RASGEF1B: variants seen among roughly 807,000 people sequenced by gnomAD.
The protein encoded by RASGEF1B is RasGEF domain family member 1B, also known as ras-GEF domain-containing family member 1B.
In RASGEF1B, 30 loss-of-function variants were observed where a neutral mutation model predicts 65.7. The observed-to-expected ratio is 0.46, with a 90% CI of 0.34 to 0.62. The LOEUF (loss-of-function observed/expected upper bound fraction) is 0.62. RASGEF1B is among the 20% of genes least tolerant of loss of function. The pLI is 0.01. For synonymous variants in RASGEF1B, 175 were observed against 194.8 expected, an observed-to-expected ratio of 0.90 and a Z score of 0.85; for missense variants, 495 against 580.1, an observed-to-expected ratio of 0.85 and a Z score of 1.51.
intron 6 of RASGEF1B, among the ~76,000 whole-genome samples, chr4:81,446,868 G>A (rs11728820): frequency 4.6e-5 from 7 of 152,320 alleles, no homozygotes; most frequent in East Asian, 1.9e-4. Context: ...GAAAGCAGCT[G>A]TTGCCCCCAC....
rs1578622151 is a variant in RASGEF1B at position 81,444,147 on chromosome 4, T to C, written c.928+1379A>G. Among the ~76,000 whole-genome samples, 4 of 152,342 alleles carry C rather than the reference T, an allele frequency of 2.6e-5. No individual in the cohort carries two copies. The South Asian group carries it at 8.3e-4, about 32-fold the overall frequency. ...TTTTACTGGGTTATTTGTCTTTTCA[T>C]TGATTTGTAGGGTTCTTTGTAGATT... is the stretch of plus-strand genomic sequence containing the variant. On this transcript the variant is annotated intron_variant, in intron 8 of 13. Transcript: ENST00000264400.
At chr4:81,448,047 G>C (rs199565184) in intron 5 of RASGEF1B, 22 bp downstream of exon 5, 3 of 1,599,310 alleles carry the variant, frequency 1.9e-6, no homozygotes, top group Admixed American at 3.3e-5. Flanking sequence ...GTTGTAAAGG[G>C]CAATGATGAT....
chr4:81,457,394 C>T, intron 3 of RASGEF1B, 105 bp downstream of exon 3: 1 of 1,040,234 alleles, frequency 9.6e-7, no homozygotes, highest in Non-Finnish European at 1.4e-6. Flanking sequence ...GCCATTTATG[C>T]ACTTCAGCCT....
intron 8 of RASGEF1B, among the ~76,000 whole-genome samples, chr4:81,442,815 T>A (rs1156582203): frequency 6.6e-6 from 1 of 152,258 alleles, no homozygotes; most frequent in Non-Finnish European, 1.5e-5. Context: ...GTTAGTATTA[T>A]TATTTTCATT....
At chr4:81,434,326 C>T (rs1721535397) in intron 11 of RASGEF1B, among the ~76,000 whole-genome samples, 1 of 152,218 alleles carries the variant, frequency 6.6e-6, no homozygotes, top group South Asian at 2.1e-4. Flanking sequence ...ACTGGTATTA[C>T]AGGCGTGAGC....
chr4:81,434,118 T>C (rs543263129), intron 11 of RASGEF1B, among the ~76,000 whole-genome samples, 155 bp from the exon 12 acceptor site: 6 of 152,308 alleles, frequency 3.9e-5, no homozygotes, highest in Middle Eastern at 3.4e-3. Context: ...GGTGCAATCA[T>C]AGCTCACTGC....
chr4:81,464,945 A>T (rs1722758088), intron 1 of RASGEF1B, among the ~76,000 whole-genome samples: 1 of 152,012 alleles, frequency 6.6e-6, no homozygotes, highest in East Asian at 1.9e-4. Flanking sequence ...TTAGCCGGGC[A>T]TGGTGGCACA....
chr4:81,428,574 A>G (rs186644160), intron 13 of RASGEF1B, among the ~76,000 whole-genome samples: 9 of 152,338 alleles, frequency 5.9e-5, no homozygotes, highest in Non-Finnish European at 1.0e-4. Flanking sequence ...TGGTACAACA[A>G]CTATTTACAT....
At chr4:81,454,662 G>C (rs1722381562) in intron 4 of RASGEF1B, 1 of 152,174 alleles carries the variant, frequency 6.6e-6, no homozygotes, top group Admixed American at 6.5e-5. Flanking sequence ...TACCTGGCTA[G>C]AACCTGTAAG....
intron 1 of RASGEF1B, among the ~76,000 whole-genome samples, chr4:81,463,678 G>A (rs1461833580): frequency 6.6e-6 from 1 of 152,144 alleles, no homozygotes; most frequent in African/African-American, 2.4e-5. Context: ...GGTACAGAAA[G>A]TACAGTTTAT....
chr4:81,433,717 CTT>C, intron 12 of RASGEF1B, 121 bp downstream of exon 12: 1 of 967,950 alleles, frequency 1.0e-6, no homozygotes, highest in South Asian at 2.1e-5. Context: ...ACAGAAAACT[CTT>C]AACATGGAAC....
chr4:81,449,389 T>A (rs897726844), intron 4 of RASGEF1B, among the ~76,000 whole-genome samples: 1 of 152,230 alleles, frequency 6.6e-6, no homozygotes, highest in Non-Finnish European at 1.5e-5. Context: ...GTCAACCTCC[T>A]GACTTTTAAA....
chr4:81,435,774 CTTTT>C (rs34304493), intron 10 of RASGEF1B, among the ~76,000 whole-genome samples: 195 of 91,596 alleles, frequency 2.1e-3, no homozygotes, highest in African/African-American at 0.01. Context: ...CGCGCCTGGC[CTTTT>C]TTTTTTTTTT....
chr4:81,427,420 A>T lies in RASGEF1B; in HGVS notation c.*348T>A, dbSNP rs913678033. ...TTAGCAGCAAATGTTCAACCAAATT[A>T]AAAAAAACACACACACACAAAAGAA... is the stretch of plus-strand genomic sequence containing the variant. On this transcript the variant is annotated 3_prime_UTR_variant, in exon 14 of 14. Transcript: ENST00000264400. 1.6e-5 allele frequency: 4 copies of T among 249,298 alleles called. No individual in the cohort carries two copies. Among genetic ancestry groups the T allele is most frequent in the Non-Finnish European group, 2.3e-5 (3 of 132,452 alleles). 15.4% of individuals were successfully genotyped at this position (249,298 alleles called of 1,614,324 possible). A position where few individuals can be genotyped will look rare whatever the true frequency, so the allele number is the denominator to read the frequency against.
rs534766493 is a variant in RASGEF1B at position 81,434,623 on chromosome 4, A to G, written c.1200+16T>C. ...CCTTGTGCTTGGATTTTTGTATCCT[A>G]CTTTATCACACTCACCTCAAAATTG... On this transcript the variant is annotated intron_variant, in intron 11 of 13. Transcript: ENST00000264400. 2 of 1,488,922 alleles carry G rather than the reference A, an allele frequency of 1.3e-6. No individual in the cohort carries two copies. The highest frequency in any genetic ancestry group is 1.9e-6 in the Non-Finnish European group (2 of 1,065,884). 92.2% of individuals were successfully genotyped at this position (1,488,922 alleles called of 1,614,324 possible). A position where few individuals can be genotyped will look rare whatever the true frequency, so the allele number is the denominator to read the frequency against.
intron 6 of RASGEF1B, among the ~76,000 whole-genome samples, chr4:81,446,262 G>C (rs1389710678): frequency 6.6e-6 from 1 of 152,190 alleles, no homozygotes; most frequent in East Asian, 1.9e-4. Flanking sequence ...TGTAATCCCA[G>C]CTACTTGGGA....
intron 4 of RASGEF1B, among the ~76,000 whole-genome samples, chr4:81,450,231 T>A (rs545369358): frequency 1.8e-4 from 28 of 152,224 alleles, no homozygotes; most frequent in Non-Finnish European, 3.2e-4. Flanking sequence ...ACAGTAAAAA[T>A]CTATGGCCAG....
chr4:81,443,200 A>G (rs757424515), intron 8 of RASGEF1B, among the ~76,000 whole-genome samples: 1 of 152,254 alleles, frequency 6.6e-6, no homozygotes, highest in Non-Finnish European at 1.5e-5. Flanking sequence ...AAAGGAACCC[A>G]TGCCAGCCTA....
intron 10 of RASGEF1B, 141 bp downstream of exon 10, chr4:81,440,693 A>G (rs1284413465): frequency 1.8e-6 from 1 of 563,974 alleles, no homozygotes; most frequent in African/African-American, 1.9e-5. Flanking sequence ...TCTGTGTGTC[A>G]AGTGGTATCA....
Sources: allele counts gnomAD v4.1 joint callset (sites outside exome capture counted in the v4.1 genomes callset), GRCh38; gene constraint gnomAD v4.1.1; transcripts MANE v1.5; gene names NCBI Gene and HGNC (gene_info 2026-07-23, HGNC 2026-07-21).